NR1D2: variants seen among roughly 807,000 people sequenced by gnomAD.
The protein encoded by NR1D2 is nuclear receptor subfamily 1 group D member 2, also known as V-erbA-related protein 1-related.
NR1D2 carries 25 observed loss-of-function variants against 52.2 expected under a neutral mutation model. The observed-to-expected ratio is 0.48, with a 90% confidence interval of 0.35 to 0.67. The LOEUF (loss-of-function observed/expected upper bound fraction) is 0.67, where lower values mean the gene tolerates loss of function less well. Among genes scored for constraint, NR1D2 ranks in the 30% least tolerant of loss-of-function variants. NR1D2 has a pLI of 0.01. For missense variants in NR1D2, 681 were observed against 707.2 expected (o/e 0.96, Z 0.42); for synonymous variants, 259 against 230.1 (o/e 1.13, Z -1.14).
At position 23,971,855 on chromosome 3, in the gene NR1D2, T is replaced by A. The variant is rs539260651; in HGVS notation, c.1543+3832T>A. On this transcript the variant is annotated intron_variant, in intron 7 of 7. Coordinates refer to ENST00000312521, the MANE Select transcript of NR1D2 (RefSeq NM_005126.5). Reference sequence around the variant, plus strand: ...TTGTTCTATCACTGTTTGTCATGATTTGATCAGTCAATTCCCAAAGTTGAA... The same window carrying A: ...TTGTTCTATCACTGTTTGTCATGATATGATCAGTCAATTCCCAAAGTTGAA... Among the ~76,000 whole-genome samples the A allele has an allele frequency of 2.6e-5, 4 of 152,288 alleles. No individual in the cohort carries two copies. The South Asian group carries it at 8.3e-4, about 32-fold the overall frequency.
intron 2 of NR1D2, among the ~76,000 whole-genome samples, chr3:23,955,628 G>A (rs1706061918): frequency 6.6e-6 from 1 of 151,926 alleles, no homozygotes; most frequent in South Asian, 2.1e-4. Context: ...GACCAGCCTG[G>A]GCAACATGGC....
intron 3 of NR1D2, 85 bp downstream of exon 3, chr3:23,956,210 G>C (rs932973019): frequency 9.5e-5 from 98 of 1,036,330 alleles, no homozygotes; most frequent in Non-Finnish European, 1.3e-4. Flanking sequence ...GCAATTGATA[G>C]TCTGAGAGAC....
In NR1D2 at chr3:23,979,841, A is replaced by C. The variant is rs781455999; in HGVS notation, c.*2422A>C. On this transcript the variant is annotated 3_prime_UTR_variant, in exon 8 of 8. Coordinates refer to ENST00000312521, the MANE Select transcript of NR1D2 (RefSeq NM_005126.5). ...TGAGTTGGTGGGACACTGTTGATTA[A>C]TAATGTACTGTATGAATTAAGTGAT... The C allele has an allele frequency of 1.1e-4, 17 of 152,164 alleles. No individual in the cohort carries two copies. The highest frequency in any genetic ancestry group is 4.6e-4 in the Admixed American group (7 of 15,280). 9.4% of individuals were successfully genotyped at this position (152,164 alleles called of 1,614,324 possible). A position where few individuals can be genotyped will look rare whatever the true frequency, so the allele number is the denominator to read the frequency against.
Position 23,945,575 on chromosome 3 carries a change from C to G in NR1D2, c.-4C>G, listed in dbSNP as rs1352640540. 2.6e-6 allele frequency: 3 copies of G among 1,171,440 alleles called. No individual in the cohort carries two copies. The African/African-American group carries it at 4.9e-5, about 19-fold the overall frequency. 72.6% of individuals were successfully genotyped at this position (1,171,440 alleles called of 1,614,324 possible). ...GCGGCCCCGGCCGCCTCCGCGAGGG[C>G]ACCATGGAGGTGAATGCAGGTAAGA... On this transcript the variant is annotated 5_prime_UTR_variant, in exon 1 of 8. Coordinates refer to ENST00000312521, the MANE Select transcript of NR1D2 (RefSeq NM_005126.5).
intron 1 of NR1D2, among the ~76,000 whole-genome samples, chr3:23,953,943 C>G (rs1706014062): frequency 6.6e-6 from 1 of 152,148 alleles, no homozygotes; most frequent in Non-Finnish European, 1.5e-5. Flanking sequence ...AAATGAAAAG[C>G]TTTAGGTGTG....
At chr3:23,970,751 A>G (rs532317805) in intron 7 of NR1D2, among the ~76,000 whole-genome samples, 1 of 152,196 alleles carries the variant, frequency 6.6e-6, no homozygotes, top group South Asian at 2.1e-4. Flanking sequence ...AAAAATTACT[A>G]GCTGTTTTTT....
At chr3:23,974,087 CCT>C (rs1706658719) in intron 7 of NR1D2, among the ~76,000 whole-genome samples, 1 of 40,172 alleles carries the variant, frequency 2.5e-5, no homozygotes, top group Non-Finnish European at 5.1e-5. Flanking sequence ...TTTACAGTTA[CCT>C]TTTTTTTTTT....
chr3:23,978,577 T>G lies in NR1D2; in HGVS notation c.*1158T>G, dbSNP rs1456177644. 2 of 152,182 alleles carry G rather than the reference T, an allele frequency of 1.3e-5. No homozygotes were observed. Among genetic ancestry groups the G allele is most frequent in the African/African-American group, 2.4e-5 (1 of 41,454 alleles). 9.4% of individuals were successfully genotyped at this position (152,182 alleles called of 1,614,324 possible). Reference sequence around the variant, plus strand: ...TTAAAAGTTGATTCATATTCTTACCTTGTGCTGAGAAAGGTTGCATTGCTG... The same window carrying G: ...TTAAAAGTTGATTCATATTCTTACCGTGTGCTGAGAAAGGTTGCATTGCTG... On this transcript the variant is annotated 3_prime_UTR_variant, in exon 8 of 8. Coordinates refer to ENST00000312521, the MANE Select transcript of NR1D2 (RefSeq NM_005126.5).
At chr3:23,959,573 T>A (rs1459886306) in intron 3 of NR1D2, 98 bp from the exon 4 acceptor site, 3 of 1,080,538 alleles carry the variant, frequency 2.8e-6, no homozygotes. Flanking sequence ...ACTGGGACTG[T>A]AGTTCGTCAT....
chr3:23,952,904 A>G (rs1165456500), intron 1 of NR1D2, among the ~76,000 whole-genome samples: 2 of 150,956 alleles, frequency 1.3e-5, no homozygotes, highest in African/African-American at 2.4e-5. Flanking sequence ...TTAAAAACAC[A>G]TCTGATATCT....
At chr3:23,946,006 G>GC in intron 1 of NR1D2, 1 of 685,664 alleles carries the variant, frequency 1.5e-6, no homozygotes, top group South Asian at 6.3e-5. Context: ...ATTCCCCGGG[G>GC]CCGCAGGGAC....
intron 4 of NR1D2, 116 bp downstream of exon 4, chr3:23,959,931 C>A: frequency 1.1e-6 from 1 of 905,684 alleles, no homozygotes; most frequent in East Asian, 2.7e-5. Context: ...TAAGGTGAAG[C>A]AGAAAACATA....
chr3:23,964,917 T>G, intron 5 of NR1D2, 60 bp from the exon 6 acceptor site: 1 of 1,168,038 alleles, frequency 8.6e-7, no homozygotes, highest in Non-Finnish European at 1.2e-6. Context: ...GAGATGCTGC[T>G]TTTGACATTT....
chr3:23,949,163 C>T (rs919266291), intron 1 of NR1D2, among the ~76,000 whole-genome samples: 13 of 152,086 alleles, frequency 8.5e-5, no homozygotes, highest in Non-Finnish European at 1.5e-4. Flanking sequence ...GTCAGGAGTT[C>T]GAGACCAGCC....
chr3:23,961,227 C>A (rs1404949698), intron 4 of NR1D2, among the ~76,000 whole-genome samples: 1 of 151,938 alleles, frequency 6.6e-6, no homozygotes, highest in Non-Finnish European at 1.5e-5. Flanking sequence ...AATGATTTCA[C>A]CTACCAGATT....
Position 23,954,864 on chromosome 3 carries a change from C to T in NR1D2, c.283+61C>T, listed in dbSNP as rs968887115. ...TAATTGCAAATGGGGCTTATTTTAT[C>T]AGCTTTTCATTTAGGTGGCCATTAT... On this transcript the variant is annotated intron_variant, in intron 2 of 7. Transcript: ENST00000312521. 9 of 1,520,868 alleles carry T rather than the reference C, an allele frequency of 5.9e-6. No homozygotes were observed. In the African/African-American group the frequency reaches 1.2e-4, roughly 21 times the overall value. 94.2% of individuals were successfully genotyped at this position (1,520,868 alleles called of 1,614,324 possible).
chr3:23,950,110 G>C (rs895654407), intron 1 of NR1D2, among the ~76,000 whole-genome samples: 1 of 152,182 alleles, frequency 6.6e-6, no homozygotes, highest in Admixed American at 6.5e-5. Context: ...TGCTGGTTTG[G>C]GGATTTTTAC....
At chr3:23,963,458 G>GTTTT in intron 5 of NR1D2, 1 of 946,402 alleles carries the variant, frequency 1.1e-6, no homozygotes, top group Non-Finnish European at 1.3e-6. Context: ...TTGCTTTTTT[G>GTTTT]TTTTTTTTTT....
intron 3 of NR1D2, among the ~76,000 whole-genome samples, chr3:23,959,041 G>C (rs1706162293): frequency 6.6e-6 from 1 of 152,160 alleles, no homozygotes; most frequent in African/African-American, 2.4e-5. Context: ...GCCAAGGCTG[G>C]CAGATCACTT....
Sources: allele counts gnomAD v4.1 joint callset (sites outside exome capture counted in the v4.1 genomes callset), GRCh38; gene constraint gnomAD v4.1.1; transcripts MANE v1.5; gene names NCBI Gene and HGNC (gene_info 2026-07-23, HGNC 2026-07-21).